OR6N1: variants seen among roughly 807,000 people sequenced by gnomAD.
The protein encoded by OR6N1 is olfactory receptor 6N1.
For synonymous variants in OR6N1, 170 were observed against 150.7 expected (o/e 1.13, Z -0.94); for missense variants, 394 against 371.7 (o/e 1.06, Z -0.49).
At chr1:158,819,970 A>G in the OR6N1 span, among the ~76,000 whole-genome samples, 3 of 152,230 alleles carry the variant, frequency 2.0e-5, no homozygotes, top group East Asian at 5.8e-4. Flanking sequence ...CAGGGGTCTC[A>G]CAGCCTTCAG....
the OR6N1 span, among the ~76,000 whole-genome samples, chr1:158,817,455 C>A: frequency 6.6e-6 from 1 of 152,154 alleles, no homozygotes; most frequent in East Asian, 1.9e-4. Context: ...AGCTTCAATT[C>A]CCCATTTATG....
At chr1:158,813,385 A>G in the OR6N1 span, among the ~76,000 whole-genome samples, 1 of 152,130 alleles carries the variant, frequency 6.6e-6, no homozygotes, top group Non-Finnish European at 1.5e-5. Context: ...AAAATGGGAG[A>G]TTTGTTAAAT....
chr1:158,765,780 C>A lies in OR6N1; in HGVS notation c.903G>T (p.Val301=). 6.2e-7 allele frequency: 1 copy of A among 1,614,108 alleles called. No individual in the cohort carries two copies. Among genetic ancestry groups the A allele is most frequent in the Admixed American group, 1.7e-5 (1 of 60,030 alleles). ...TCCCAATTCTCTTTAGCTGCCTCCT[C>A]ACAGCCTCCTTGATCTCCTTGTTGC... ...SLRNKEIKEA[V]RRQLKRIGIL... is the part of the protein sequence containing the mutation. The change falls in exon 2 of 2, where the codon GTG becomes GTT. Residue 301 remains valine, a synonymous_variant. Coordinates refer to ENST00000641846, the MANE Select transcript of OR6N1 (RefSeq NM_001005185.2).
the OR6N1 span, among the ~76,000 whole-genome samples, chr1:158,782,324 A>G: frequency 4.4e-4 from 67 of 152,306 alleles, no homozygotes; most frequent in Middle Eastern, 3.4e-3. Flanking sequence ...AACTTCTCCA[A>G]ATAATTAACT....
At chr1:158,826,146 TAA>T in the OR6N1 span, among the ~76,000 whole-genome samples, 1 of 143,302 alleles carries the variant, frequency 7.0e-6, no homozygotes, top group African/African-American at 2.5e-5. Flanking sequence ...AGGAGAATAT[TAA>T]AAAAAAAAAA....
At chr1:158,828,725 G>A in the OR6N1 span, among the ~76,000 whole-genome samples, 1 of 152,170 alleles carries the variant, frequency 6.6e-6, no homozygotes, top group Non-Finnish European at 1.5e-5. Context: ...GTGGTGCCCT[G>A]GCAGGGACTC....
the OR6N1 span, among the ~76,000 whole-genome samples, chr1:158,805,445 G>A: frequency 1.3e-5 from 2 of 152,082 alleles, no homozygotes; most frequent in African/African-American, 4.8e-5. Flanking sequence ...GGTATCTGTA[G>A]GACACACTGA....
the OR6N1 span, among the ~76,000 whole-genome samples, chr1:158,795,095 G>A: frequency 1.3e-5 from 2 of 152,202 alleles, no homozygotes; most frequent in Non-Finnish European, 2.9e-5. Context: ...GCCCCAGAGG[G>A]CAGTTCCCTG....
the OR6N1 span, among the ~76,000 whole-genome samples, chr1:158,817,570 G>T: frequency 2.6e-5 from 4 of 152,172 alleles, no homozygotes. Context: ...TATTTCCAGG[G>T]TGTTGTCTTT....
the OR6N1 span, among the ~76,000 whole-genome samples, chr1:158,811,807 C>T: frequency 6.6e-6 from 1 of 152,146 alleles, no homozygotes; most frequent in Admixed American, 6.5e-5. Flanking sequence ...CTCTTCATAC[C>T]AACCTGAAAA....
chr1:158,770,298 G>T (rs1036761861), intron 1 of OR6N1, among the ~76,000 whole-genome samples: 1 of 151,992 alleles, frequency 6.6e-6, no homozygotes, highest in Admixed American at 6.5e-5. Context: ...TCCATACTCT[G>T]CCTAAGCAAT....
upstream of OR6N1, chr1:158,776,945 C>T: frequency 2.5e-6 from 4 of 1,614,006 alleles, no homozygotes; most frequent in South Asian, 2.2e-5. Context: ...CTTCCTGATG[C>T]TGTTTTTATC....
intron 1 of OR6N1, among the ~76,000 whole-genome samples, chr1:158,768,447 C>A (rs1186947658): frequency 6.6e-6 from 1 of 152,160 alleles, no homozygotes; most frequent in African/African-American, 2.4e-5. Flanking sequence ...TTGTTTCTAT[C>A]TTTCTCTCAT....
At chr1:158,809,166 G>A in the OR6N1 span, 760 of 153,032 alleles carry the variant, frequency 5.0e-3, 2 homozygotes, top group African/African-American at 0.017. Context: ...GTACATGGGC[G>A]TGAACAGTCC....
At chr1:158,798,296 AT>A in the OR6N1 span, among the ~76,000 whole-genome samples, 1 of 151,070 alleles carries the variant, frequency 6.6e-6, no homozygotes. Flanking sequence ...TTGCCCTAAC[AT>A]TATTTTTCTA....
At chr1:158,797,572 T>C in the OR6N1 span, among the ~76,000 whole-genome samples, 1 of 152,214 alleles carries the variant, frequency 6.6e-6, no homozygotes, top group Non-Finnish European at 1.5e-5. Context: ...AGGTTGCTTC[T>C]ACTCTATCAT....
chr1:158,813,626 G>A, the OR6N1 span, among the ~76,000 whole-genome samples: 1 of 149,994 alleles, frequency 6.7e-6, no homozygotes, highest in African/African-American at 2.5e-5. Flanking sequence ...GGTCCTACAA[G>A]TTAAAGCAAC....
chr1:158,814,511 A>G, the OR6N1 span, among the ~76,000 whole-genome samples: 1 of 152,210 alleles, frequency 6.6e-6, no homozygotes, highest in Non-Finnish European at 1.5e-5. Context: ...TTATTTTCAC[A>G]GTTCTTGAGG....
the OR6N1 span, among the ~76,000 whole-genome samples, chr1:158,830,605 A>G: frequency 3.3e-4 from 51 of 152,320 alleles, no homozygotes; most frequent in Admixed American, 7.8e-4. Context: ...ACAGGAAAAA[A>G]AAATTGCAGT....
Sources: allele counts gnomAD v4.1 joint callset (sites outside exome capture counted in the v4.1 genomes callset), GRCh38; gene constraint gnomAD v4.1.1; transcripts MANE v1.5; gene names NCBI Gene and HGNC (gene_info 2026-07-23, HGNC 2026-07-21).